Variants in MYO5B observed in about 807,000 individuals in gnomAD.
The protein encoded by MYO5B is myosin VB, also known as unconventional myosin-Vb.
A neutral mutation model predicts 229.3 loss-of-function variants in MYO5B; 143 were observed. The ratio of observed to expected loss-of-function variants is 0.62; its 90% confidence interval spans 0.54 to 0.72. The LOEUF (loss-of-function observed/expected upper bound fraction) is 0.72. Ranked by LOEUF, MYO5B falls within the 30% of genes least tolerant of loss-of-function variation. The probability of loss-of-function intolerance (pLI) is 0.00; values close to 1 mark genes in which losing one functional copy is unlikely to be tolerated. For missense variants in MYO5B, 2,321 were observed against 2,331.0 expected, an observed-to-expected ratio of 1.00 and a Z score of 0.09; for synonymous variants, 918 against 885.2, an observed-to-expected ratio of 1.04 and a Z score of -0.66.
intron 4 of MYO5B, among the ~76,000 whole-genome samples, chr18:50,032,879 C>T (rs1277430566): frequency 1.3e-5 from 2 of 151,850 alleles, no homozygotes; most frequent in African/African-American, 2.4e-5. Context: ...CCTAGTTACT[C>T]GGGAGGCTGA....
At chr18:50,038,575 G>C (rs935530572) in intron 3 of MYO5B, among the ~76,000 whole-genome samples, 11 of 152,130 alleles carry the variant, frequency 7.2e-5, no homozygotes, top group African/African-American at 2.7e-4. Flanking sequence ...CACGTAGCAC[G>C]CAATTCACAT....
intron 12 of MYO5B, among the ~76,000 whole-genome samples, chr18:49,960,222 T>C (rs1480645920): frequency 6.6e-6 from 1 of 152,212 alleles, no homozygotes; most frequent in Non-Finnish European, 1.5e-5. Flanking sequence ...CAATCCTTCA[T>C]CTGACTTTAT....
chr18:50,036,098 C>A (rs1302787524), intron 4 of MYO5B, among the ~76,000 whole-genome samples: 1 of 152,122 alleles, frequency 6.6e-6, no homozygotes, highest in Non-Finnish European at 1.5e-5. Flanking sequence ...TATATGTTGC[C>A]AGCTCCAAAA....
rs139632666 is a variant in MYO5B at position 49,843,371 on chromosome 18, G to A, written c.4481C>T (p.Ser1494Leu). 519 of 1,614,174 alleles carry A rather than the reference G, an allele frequency of 3.2e-4. 12 individuals are homozygous for A. The African/African-American group carries it at 4.4e-3, about 14-fold the overall frequency. ...GGCGGGGAGACAGGGCACTGTGCCCGACAGCATCTGGGGCTTCAAGTCTAA... is the reference window on the plus strand; with the variant it reads ...GGCGGGGAGACAGGGCACTGTGCCCAACAGCATCTGGGGCTTCAAGTCTAA... Reference protein sequence around the residue: ...LVTDLKPQMLSGTVPCLPAYI... With the variant: ...LVTDLKPQMLLGTVPCLPAYI... Residue 1494 changes from serine to leucine, a missense_variant, in exon 34 of 40, where the codon TCG (serine) becomes TTG (leucine). Physicochemically the swap from Ser to Leu is moderately radical, Grantham distance 145 (BLOSUM62 -2). This residue lies in a region of MYO5B where 2,113 missense variants were observed against 2,044.7 expected (regional missense o/e 1.03). Coordinates refer to ENST00000285039, the MANE Select transcript of MYO5B (RefSeq NM_001080467.3).
chr18:50,182,412 T>C (rs983346115), intron 1 of MYO5B, among the ~76,000 whole-genome samples: 1 of 152,214 alleles, frequency 6.6e-6, no homozygotes, highest in Non-Finnish European at 1.5e-5. Flanking sequence ...GAAAGATTGT[T>C]AATAAAACCT....
In MYO5B at chr18:49,826,415, A is replaced by G; in HGVS notation, c.*56T>C. The stretch of plus-strand genomic sequence containing the variant: ...CAGATCCTTGAATTTACTTTACTGT[A>G]TATACTTCCTTCTTGCTCACATTGG... On this transcript the variant is annotated 3_prime_UTR_variant, in exon 40 of 40. Transcript: ENST00000285039. 1.9e-6 allele frequency: 3 copies of G among 1,583,268 alleles called. No individual in the cohort carries two copies. Among genetic ancestry groups the G allele is most frequent in the South Asian group, 1.1e-5 (1 of 89,756 alleles).
At chr18:49,898,708 G>A (rs141546267) in intron 21 of MYO5B, among the ~76,000 whole-genome samples, 1 of 152,236 alleles carries the variant, frequency 6.6e-6, no homozygotes, top group Non-Finnish European at 1.5e-5. Flanking sequence ...TTTCTATTAA[G>A]AACTCTCAAG....
intron 14 of MYO5B, among the ~76,000 whole-genome samples, chr18:49,937,920 T>C (rs1449368975): frequency 6.6e-6 from 1 of 152,198 alleles, no homozygotes; most frequent in East Asian, 1.9e-4. Flanking sequence ...CTTTTAGTGG[T>C]GATGACTGCA....
At chr18:50,091,963 G>A (rs895864358) in intron 1 of MYO5B, among the ~76,000 whole-genome samples, 1 of 152,166 alleles carries the variant, frequency 6.6e-6, no homozygotes, top group Admixed American at 6.5e-5. Flanking sequence ...GATTAGTCAG[G>A]GCAGCCCCAT....
chr18:49,903,333 G>A (rs1439460992), intron 20 of MYO5B, among the ~76,000 whole-genome samples: 2 of 151,864 alleles, frequency 1.3e-5, no homozygotes, highest in Admixed American at 6.6e-5. Flanking sequence ...CAGTGTGCTC[G>A]CCCTAATACC....
intron 1 of MYO5B, among the ~76,000 whole-genome samples, chr18:50,082,897 G>C (rs550103090): frequency 5.3e-5 from 8 of 152,184 alleles, no homozygotes; most frequent in Admixed American, 2.6e-4. Context: ...CAATTCTCCA[G>C]ACATCAACTG....
chr18:50,139,845 A>C lies in MYO5B; in HGVS notation c.27+54922T>G, dbSNP rs2032391117. Among the ~76,000 whole-genome samples the C allele has an allele frequency of 2.0e-5, 3 of 152,304 alleles. No individual in the cohort carries two copies. In the South Asian group the frequency reaches 6.2e-4, roughly 32 times the overall value. ...CACAGCTCCAATAGCAAAAACTACA[A>C]ATACTTTTGCACCAACCTAATATCT... is the stretch of plus-strand genomic sequence containing the variant. On this transcript the variant is annotated intron_variant, in intron 1 of 39. Transcript: ENST00000285039.
chr18:49,832,313 AGTGCT>A (rs1055025253), intron 39 of MYO5B, among the ~76,000 whole-genome samples: 1 of 152,202 alleles, frequency 6.6e-6, no homozygotes, highest in Non-Finnish European at 1.5e-5. Flanking sequence ...GCACATAGTA[AGTGCT>A]GTATTTGCTG....
intron 25 of MYO5B, among the ~76,000 whole-genome samples, chr18:49,876,882 A>T (rs973665431): frequency 6.6e-6 from 1 of 152,114 alleles, no homozygotes; most frequent in Admixed American, 6.5e-5. Context: ...TCTATTGCTG[A>T]TGGTCTCTTA....
At chr18:50,023,084 A>G (rs2144361188) in intron 4 of MYO5B, among the ~76,000 whole-genome samples, 2 of 151,990 alleles carry the variant, frequency 1.3e-5, no homozygotes, top group South Asian at 2.1e-4. Flanking sequence ...TTAAGAATAA[A>G]CCATCTATTC....
chr18:50,076,127 A>T (rs562258303), intron 1 of MYO5B, among the ~76,000 whole-genome samples: 2 of 152,336 alleles, frequency 1.3e-5, no homozygotes, highest in African/African-American at 4.8e-5. Flanking sequence ...GGTTGGCAAG[A>T]TATTTCCTTT....
intron 1 of MYO5B, among the ~76,000 whole-genome samples, chr18:50,146,491 C>A (rs1339315768): frequency 6.6e-6 from 1 of 152,152 alleles, no homozygotes; most frequent in Admixed American, 6.5e-5. Context: ...AGTGAGGAAA[C>A]CTGCACCAGA....
intron 8 of MYO5B, among the ~76,000 whole-genome samples, chr18:49,983,228 T>C (rs928102204): frequency 6.6e-6 from 1 of 152,182 alleles, no homozygotes; most frequent in African/African-American, 2.4e-5. Flanking sequence ...GCTTGCTCAA[T>C]AGAGGGTATT....
At chr18:50,082,618 TACTA>T (rs528447383) in intron 1 of MYO5B, among the ~76,000 whole-genome samples, 695 of 152,312 alleles carry the variant, frequency 4.6e-3, no homozygotes, top group Middle Eastern at 6.8e-3. Context: ...TGCAGCCTAA[TACTA>T]ACTGTAGGAT....
Sources: allele counts gnomAD v4.1 joint callset (sites outside exome capture counted in the v4.1 genomes callset), GRCh38; gene constraint gnomAD v4.1.1; regional missense constraint gnomAD v4.1.1; transcripts MANE v1.5; gene names NCBI Gene and HGNC (gene_info 2026-07-23, HGNC 2026-07-21).